Variants in FGGY observed in about 807,000 individuals in gnomAD.
FGGY encodes FGGY carbohydrate kinase domain containing.
FGGY carries 72 observed loss-of-function variants against 71.3 expected under a neutral mutation model. That is an observed-to-expected ratio of 1.01 (90% confidence interval 0.84 to 1.23). The LOEUF is 1.23. Ranked by LOEUF, FGGY falls within the 50% of genes most tolerant of loss-of-function variation. FGGY has a pLI of 0.00. For missense variants in FGGY, 668 were observed against 682.3 expected, an observed-to-expected ratio of 0.98 and a Z score of 0.23; for synonymous variants, 251 against 250.3, an observed-to-expected ratio of 1.00 and a Z score of -0.02.
chr1:59,395,784 G>A (rs1440501986), intron 5 of FGGY, among the ~76,000 whole-genome samples: 1 of 152,174 alleles, frequency 6.6e-6, no homozygotes, highest in Non-Finnish European at 1.5e-5. Context: ...GAACTTGCCG[G>A]TGGTCACACA....
chr1:59,389,220 A>G (rs2060422916), intron 5 of FGGY, among the ~76,000 whole-genome samples: 1 of 152,106 alleles, frequency 6.6e-6, no homozygotes, highest in African/African-American at 2.4e-5. Context: ...TAAAAACTTT[A>G]CTATTTTTAT....
chr1:59,586,840 T>C (rs888207494), intron 8 of FGGY, among the ~76,000 whole-genome samples: 6 of 152,196 alleles, frequency 3.9e-5, no homozygotes, highest in South Asian at 2.1e-4. Flanking sequence ...GGAACAGCTC[T>C]GGTCTACAGC....
intron 6 of FGGY, among the ~76,000 whole-genome samples, chr1:59,464,295 T>C (rs1016848020): frequency 1.3e-5 from 2 of 152,166 alleles, no homozygotes; most frequent in African/African-American, 4.8e-5. Context: ...AATGTGGAAA[T>C]AACGATGTTC....
intron 6 of FGGY, among the ~76,000 whole-genome samples, chr1:59,458,120 A>G (rs2091889206): frequency 2.0e-5 from 3 of 152,234 alleles, no homozygotes; most frequent in African/African-American, 7.2e-5. Flanking sequence ...CTGGAACACA[A>G]ATTTCAGCTT....
intron 11 of FGGY, among the ~76,000 whole-genome samples, chr1:59,645,694 GT>G (rs1014026128): frequency 5.9e-5 from 9 of 152,188 alleles, no homozygotes; most frequent in Non-Finnish European, 1.0e-4. Flanking sequence ...GTTTTGTGGT[GT>G]TTGGGATTTT....
Position 59,674,034 on chromosome 1 carries a change from C to A in FGGY, c.1418-5C>A. 6.2e-7 allele frequency: 1 copy of A among 1,612,678 alleles called. No individual in the cohort carries two copies. The highest frequency in any genetic ancestry group is 1.3e-5 in the African/African-American group (1 of 75,002). On this transcript the variant is annotated splice_polypyrimidine_tract_variant and splice_region_variant and intron_variant, in intron 13 of 15. Transcript: ENST00000303721. The stretch of plus-strand genomic sequence containing the variant: ...CTAACCAAGGTGTGGCCTTGTCCTG[C>A]GCAGGCATGCCTGTGGTCCTGTCGC...
intron 14 of FGGY, among the ~76,000 whole-genome samples, chr1:59,704,515 T>C (rs931419358): frequency 1.3e-5 from 2 of 152,166 alleles, no homozygotes; most frequent in Non-Finnish European, 2.9e-5. Flanking sequence ...ATAGTAGAGA[T>C]TGTATAATAG....
At chr1:59,326,686 A>G (rs771416245) in intron 2 of FGGY, among the ~76,000 whole-genome samples, 1 of 151,982 alleles carries the variant, frequency 6.6e-6, no homozygotes, top group Non-Finnish European at 1.5e-5. Context: ...ATGTCTTGAT[A>G]TTCATTTTTC....
intron 1 of FGGY, 49 bp from the exon 2 acceptor site, chr1:59,321,487 T>C: frequency 6.5e-7 from 1 of 1,531,374 alleles, no homozygotes; most frequent in Middle Eastern, 1.7e-4. Flanking sequence ...GTGACTGTCT[T>C]TGCAGATCCA....
chr1:59,419,421 A>G (rs574810451), intron 5 of FGGY, among the ~76,000 whole-genome samples: 3 of 152,316 alleles, frequency 2.0e-5, no homozygotes, highest in East Asian at 1.9e-4. Context: ...CCTACTCACT[A>G]TGAGCTGAGT....
At chr1:59,358,282 C>G (rs1314307217) in intron 4 of FGGY, among the ~76,000 whole-genome samples, 1 of 151,998 alleles carries the variant, frequency 6.6e-6, no homozygotes, top group Non-Finnish European at 1.5e-5. Flanking sequence ...TTTCTTTTTT[C>G]CTATTATCCA....
At chr1:59,444,421 C>T (rs1323699281) in intron 5 of FGGY, among the ~76,000 whole-genome samples, 1 of 152,064 alleles carries the variant, frequency 6.6e-6, no homozygotes, top group Non-Finnish European at 1.5e-5. Context: ...TGTTTAATAT[C>T]CTCTTTCTAG....
At chr1:59,396,676 C>T (rs941150187) in intron 5 of FGGY, among the ~76,000 whole-genome samples, 1 of 152,150 alleles carries the variant, frequency 6.6e-6, no homozygotes, top group Non-Finnish European at 1.5e-5. Context: ...GACTTGGAAT[C>T]CCAGTTCAGT....
Position 59,354,398 on chromosome 1 carries a change from A to G in FGGY, c.465+8000A>G, listed in dbSNP as rs114919718. 2.6e-5 allele frequency among the ~76,000 whole-genome samples: 4 copies of G among 152,300 alleles called. No individual in the cohort carries two copies. The South Asian group carries it at 8.3e-4, about 32-fold the overall frequency. On this transcript the variant is annotated intron_variant, in intron 4 of 15. Transcript: ENST00000303721. Reference sequence around the variant, plus strand: ...CCAGCCTAATTATTGTCTTTTACAGATGAGGAAACAGGCACAGAGACTTTA... The same window carrying G: ...CCAGCCTAATTATTGTCTTTTACAGGTGAGGAAACAGGCACAGAGACTTTA...
intron 14 of FGGY, among the ~76,000 whole-genome samples, chr1:59,714,761 G>A (rs938723725): frequency 6.6e-6 from 1 of 152,118 alleles, no homozygotes; most frequent in Non-Finnish European, 1.5e-5. Context: ...AGAGGAGAGA[G>A]AAATAACAAG....
At chr1:59,597,130 A>G (rs2096532474) in intron 8 of FGGY, among the ~76,000 whole-genome samples, 1 of 152,194 alleles carries the variant, frequency 6.6e-6, no homozygotes, top group Non-Finnish European at 1.5e-5. Flanking sequence ...AAATGGAGAA[A>G]GTGTTTTGAA....
chr1:59,346,435 A>G lies in FGGY; in HGVS notation c.465+37A>G, dbSNP rs1225388329. On this transcript the variant is annotated intron_variant, in intron 4 of 15. Coordinates refer to ENST00000303721, the MANE Select transcript of FGGY (RefSeq NM_018291.5). ...GGGTCTAAGAGAAGATACCAACAAT[A>G]GTAGAGGATTCCTGTTACTGTGGAC... 5 of 1,605,084 alleles carry G rather than the reference A, an allele frequency of 3.1e-6. No homozygotes were observed. The Admixed American group carries it at 8.4e-5, about 27-fold the overall frequency.
chr1:59,687,581 C>A (rs1387194744), intron 14 of FGGY, among the ~76,000 whole-genome samples: 3 of 151,966 alleles, frequency 2.0e-5, no homozygotes, highest in African/African-American at 4.8e-5. Flanking sequence ...ATTCTCCTGC[C>A]TCAGCCTCCC....
intron 4 of FGGY, among the ~76,000 whole-genome samples, chr1:59,357,997 C>A (rs2054661654): frequency 6.6e-6 from 1 of 152,188 alleles, no homozygotes. Context: ...GAACAAAATT[C>A]TTTTCTCATA....
Sources: gnomAD v4.1 joint callset for allele counts (sites outside exome capture counted in the v4.1 genomes callset) on GRCh38, gnomAD v4.1.1 for gene constraint, MANE v1.5 for transcripts, NCBI Gene and HGNC (gene_info 2026-07-23, HGNC 2026-07-21) for gene names.